DISC1: variants seen among roughly 807,000 people sequenced by gnomAD.
The protein encoded by DISC1 is disrupted in schizophrenia 1 protein.
DISC1 carries 57 observed loss-of-function variants against 84.5 expected under a neutral mutation model. The ratio of observed to expected loss-of-function variants is 0.67; its 90% CI spans 0.55 to 0.84. DISC1 has a LOEUF of 0.84. Among genes scored for constraint, DISC1 ranks in the 40% least tolerant of loss-of-function variants. The pLI is 0.00. For missense variants in DISC1, 1,000 were observed against 1,057.8 expected, an observed-to-expected ratio of 0.95 and a Z score of 0.76; for synonymous variants, 411 against 415.2, an observed-to-expected ratio of 0.99 and a Z score of 0.12.
At chr1:231,636,508 G>T (rs566919803) in intron 1 of DISC1, among the ~76,000 whole-genome samples, 2 of 152,140 alleles carry the variant, frequency 1.3e-5, no homozygotes, top group South Asian at 2.1e-4. Flanking sequence ...ATGGAAAAAT[G>T]GACAAATTCT....
intron 9 of DISC1, among the ~76,000 whole-genome samples, chr1:231,848,202 C>T (rs1442723730): frequency 6.6e-6 from 1 of 152,140 alleles, no homozygotes; most frequent in Non-Finnish European, 1.5e-5. Flanking sequence ...TCTTCCCTGT[C>T]CCTTGCATAA....
chr1:232,016,309 A>T (rs936305579), intron 11 of DISC1, among the ~76,000 whole-genome samples: 4 of 152,236 alleles, frequency 2.6e-5, no homozygotes, highest in Non-Finnish European at 4.4e-5. Flanking sequence ...CTCAAAGAAC[A>T]CATTCCCTTA....
chr1:231,830,458 A>G (rs912543446), intron 9 of DISC1, among the ~76,000 whole-genome samples: 1 of 152,242 alleles, frequency 6.6e-6, no homozygotes, highest in Non-Finnish European at 1.5e-5. Context: ...GAGATTCAGC[A>G]TAGTCCTGCC....
At chr1:231,872,765 G>A (rs115805116) in intron 9 of DISC1, among the ~76,000 whole-genome samples, 1,575 of 152,144 alleles carry the variant, frequency 0.01, 28 homozygotes, top group African/African-American at 0.036. Flanking sequence ...GAAAATTCTC[G>A]TTAAATTACT....
intron 9 of DISC1, among the ~76,000 whole-genome samples, chr1:231,930,232 G>T (rs1277286564): frequency 6.6e-6 from 1 of 152,204 alleles, no homozygotes; most frequent in Non-Finnish European, 1.5e-5. Context: ...GCGTTGTGCA[G>T]ATGAGAGATG....
At chr1:231,872,558 A>C (rs1045756243) in intron 9 of DISC1, among the ~76,000 whole-genome samples, 1 of 152,096 alleles carries the variant, frequency 6.6e-6, no homozygotes, top group Admixed American at 6.6e-5. Flanking sequence ...CTGAAGTTGT[A>C]GCTGTTTCCT....
chr1:232,018,059 A>C, intron 11 of DISC1, among the ~76,000 whole-genome samples: 1 of 152,124 alleles, frequency 6.6e-6, no homozygotes, highest in Admixed American at 6.5e-5. Context: ...TAGGTGTGGA[A>C]GCTTTTCCTA....
intron 3 of DISC1, among the ~76,000 whole-genome samples, chr1:231,705,320 T>TAA (rs1267982742): frequency 3.4e-5 from 2 of 58,000 alleles, no homozygotes; most frequent in Non-Finnish European, 3.1e-5. Context: ...AAAAAAATCA[T>TAA]TAAAAAAAAA....
intron 10 of DISC1, 177 bp downstream of exon 10, chr1:231,959,065 T>C (rs912567479): frequency 7.2e-7 from 1 of 1,386,862 alleles, no homozygotes; most frequent in African/African-American, 1.5e-5. Flanking sequence ...AGCCCTCATC[T>C]TGTCTTTTAA....
chr1:231,730,784 G>T (rs937239061), intron 3 of DISC1, among the ~76,000 whole-genome samples: 3 of 152,080 alleles, frequency 2.0e-5, no homozygotes, highest in Admixed American at 6.6e-5. Context: ...GCACAGAATT[G>T]GTCATTTATC....
rs562164173 is a variant in DISC1, at chr1:231,909,674, A to T, written c.1982-49154A>T. ...TCTGCCAGGCTTTGGTATCAGGATG[A>T]TGCTGGCCTCATAAAATGAGTTAGG... On this transcript the variant is annotated intron_variant, in intron 9 of 12. Transcript: ENST00000439617. Among the ~76,000 whole-genome samples the T allele has an allele frequency of 8.3e-3, 1,268 of 152,294 alleles. 7 individuals carry two copies. The highest frequency in any genetic ancestry group is 0.017 in the Middle Eastern group (5 of 294).
chr1:231,864,055 C>G (rs1267816244), intron 9 of DISC1, among the ~76,000 whole-genome samples: 2 of 152,058 alleles, frequency 1.3e-5, no homozygotes, highest in Non-Finnish European at 2.9e-5. Flanking sequence ...TTCATAAATC[C>G]TTTTGCAGAG....
At chr1:231,967,024 A>G (rs2102797127) in intron 10 of DISC1, among the ~76,000 whole-genome samples, 1 of 152,360 alleles carries the variant, frequency 6.6e-6, no homozygotes, top group East Asian at 1.9e-4. Context: ...TTTGCTTTGA[A>G]ATTTAGAGAT....
At chr1:231,986,045 T>C (rs573983156) in intron 10 of DISC1, among the ~76,000 whole-genome samples, 1 of 152,332 alleles carries the variant, frequency 6.6e-6, no homozygotes, top group South Asian at 2.1e-4. Context: ...CCAGATGCTC[T>C]TCAGCCTGTG....
intron 9 of DISC1, among the ~76,000 whole-genome samples, chr1:231,908,726 T>C (rs1177700249): frequency 6.6e-6 from 1 of 152,228 alleles, no homozygotes; most frequent in Non-Finnish European, 1.5e-5. Context: ...GGTAGCTTGA[T>C]GCGGATGGCA....
At chr1:231,819,255 C>A in intron 9 of DISC1, 1 of 690,346 alleles carries the variant, frequency 1.4e-6, no homozygotes, top group Non-Finnish European at 1.8e-6. Flanking sequence ...ACAAAGTATG[C>A]TTATTTAAGA....
At chr1:231,640,745 G>A (rs112744343) in intron 1 of DISC1, among the ~76,000 whole-genome samples, 1 of 151,690 alleles carries the variant, frequency 6.6e-6, no homozygotes, top group African/African-American at 2.4e-5. Flanking sequence ...TATGTTACCC[G>A]GGCTGGTCTC....
At chr1:232,036,569 C>A in intron 12 of DISC1, 123 bp from the exon 13 acceptor site, 1 of 909,430 alleles carries the variant, frequency 1.1e-6, no homozygotes, top group Non-Finnish European at 1.5e-6. Flanking sequence ...TTGGAAAGAA[C>A]TTTAAACTGC....
intron 3 of DISC1, among the ~76,000 whole-genome samples, chr1:231,713,749 GATATATATATAGGA>G (rs2068232487): frequency 1.4e-5 from 1 of 71,294 alleles, no homozygotes; most frequent in Non-Finnish European, 3.5e-5. Flanking sequence ...ATATATAGGA[GATATATATATAGGA>G]GATATATATA....
Sources: gnomAD v4.1 joint callset for allele counts (sites outside exome capture counted in the v4.1 genomes callset) on GRCh38, gnomAD v4.1.1 for gene constraint, MANE v1.5 for transcripts, NCBI Gene and HGNC (gene_info 2026-07-23, HGNC 2026-07-21) for gene names.